The following MAP3K13 variants were observed in gnomAD, a reference collection of about 807,000 sequenced individuals.
MAP3K13 encodes the protein leucine zipper-bearing kinase.
A neutral mutation model predicts 104.0 loss-of-function variants in MAP3K13; 52 were observed. The observed-to-expected ratio is 0.50, with a 90% CI of 0.40 to 0.63. The LOEUF (loss-of-function observed/expected upper bound fraction) is 0.63, where lower values mean the gene tolerates loss of function less well. MAP3K13 is among the 20% of genes least tolerant of loss of function. The pLI is 0.00. For missense variants in MAP3K13, 914 were observed against 1,218.5 expected (o/e 0.75, Z 3.72); for synonymous variants, 394 against 442.2 (o/e 0.89, Z 1.37).
intron 1 of MAP3K13, among the ~76,000 whole-genome samples, chr3:185,388,346 A>G (rs1208424541): frequency 1.3e-5 from 2 of 152,046 alleles, no homozygotes; most frequent in Admixed American, 6.6e-5. Flanking sequence ...TACAAAAAAT[A>G]CAAAAAGTAG....
chr3:185,450,116 A>G lies in MAP3K13; in HGVS notation c.1169+58A>G. Reference sequence around the variant, plus strand: ...TCTCTAATGTGTATTTGGAGTAAATATCCTGGTGGTGGAAAGAATAGGAGC... The same window carrying G: ...TCTCTAATGTGTATTTGGAGTAAATGTCCTGGTGGTGGAAAGAATAGGAGC... On this transcript the variant is annotated intron_variant, in intron 6 of 13. Coordinates refer to ENST00000265026, the MANE Select transcript of MAP3K13 (RefSeq NM_004721.5). The surrounding 1 kb of genome is among the most constrained non-coding windows in gnomAD (Gnocchi z 4.2). The G allele has an allele frequency of 6.9e-7, 1 of 1,446,482 alleles. No individual in the cohort carries two copies. Among genetic ancestry groups the G allele is most frequent in the Non-Finnish European group, 9.2e-7 (1 of 1,084,214 alleles). The allele number at this position is 1,446,482 out of a possible 1,614,324, so 89.6% of individuals were successfully genotyped here.
intron 8 of MAP3K13, among the ~76,000 whole-genome samples, chr3:185,464,976 AC>A (rs1045124373): frequency 6.6e-6 from 1 of 151,550 alleles, no homozygotes; most frequent in African/African-American, 2.4e-5. Flanking sequence ...CCTCCTAAAG[AC>A]CCCACCTATT....
chr3:185,435,586 G>T (rs1714986480), intron 2 of MAP3K13, among the ~76,000 whole-genome samples: 1 of 152,066 alleles, frequency 6.6e-6, no homozygotes, highest in Admixed American at 6.6e-5. Context: ...AGAGAGATTT[G>T]CTTTTATCTA....
intron 2 of MAP3K13, among the ~76,000 whole-genome samples, chr3:185,305,362 C>T (rs542876965): frequency 6.6e-6 from 1 of 152,226 alleles, no homozygotes; most frequent in Non-Finnish European, 1.5e-5. Context: ...CTGATGTCAG[C>T]TTAATTTAAA....
intron 1 of MAP3K13, among the ~76,000 whole-genome samples, chr3:185,389,797 TTAAG>T (rs61562700): frequency 0.64 from 96,940 of 151,058 alleles, 31,328 homozygotes; most frequent in Non-Finnish European, 0.67. Flanking sequence ...AAAAAATTTG[TTAAG>T]TATTTATTAA....
At chr3:185,336,270 G>C (rs1399550033) in intron 2 of MAP3K13, among the ~76,000 whole-genome samples, 1 of 152,088 alleles carries the variant, frequency 6.6e-6, no homozygotes, top group African/African-American at 2.4e-5. Context: ...GGCTGGGTGT[G>C]GTGGCTCACA....
At chr3:185,448,023 CACTT>C (rs1715687684) in intron 5 of MAP3K13, 76 bp downstream of exon 5, 1 of 1,441,212 alleles carries the variant, frequency 6.9e-7, no homozygotes, top group East Asian at 2.3e-5. Context: ...CTTCCTTCAG[CACTT>C]ACTTTTCCAG....
chr3:185,330,034 C>G (rs1304521738), intron 2 of MAP3K13, among the ~76,000 whole-genome samples: 1 of 143,802 alleles, frequency 7.0e-6, no homozygotes, highest in Non-Finnish European at 1.5e-5. Flanking sequence ...CGCCCGCCAC[C>G]ATGCCTGGCT....
intron 3 of MAP3K13, among the ~76,000 whole-genome samples, chr3:185,442,057 T>A (rs919846805): frequency 1.5e-5 from 2 of 131,398 alleles, no homozygotes; most frequent in African/African-American, 2.7e-5. Context: ...AAAAAAAAAA[T>A]TAGCCTGGCG....
intron 1 of MAP3K13, among the ~76,000 whole-genome samples, chr3:185,405,003 A>G (rs368419725): frequency 1.3e-5 from 2 of 152,218 alleles, no homozygotes; most frequent in African/African-American, 4.8e-5. Context: ...CCTACTGGCA[A>G]TGTATAAAAT....
intron 7 of MAP3K13, among the ~76,000 whole-genome samples, chr3:185,455,623 TG>T (rs1716580969): frequency 1.9e-5 from 1 of 51,448 alleles, no homozygotes; most frequent in Non-Finnish European, 4.1e-5. Flanking sequence ...ATGAGATATA[TG>T]ATATATATAT....
At chr3:185,464,269 C>A (rs1560126714) in intron 8 of MAP3K13, among the ~76,000 whole-genome samples, 1 of 152,180 alleles carries the variant, frequency 6.6e-6, no homozygotes, top group Non-Finnish European at 1.5e-5. Context: ...GCCTGGGTGA[C>A]AGAGTGAGAT....
rs1421205101 is a variant in MAP3K13, at chr3:185,455,949, G to A, written c.1278+4554G>A. Among the ~76,000 whole-genome samples, 3 of 142,292 alleles carry A rather than the reference G, an allele frequency of 2.1e-5. No individual in the cohort carries two copies. In the South Asian group the frequency reaches 6.6e-4, roughly 31 times the overall value. 93.3% of individuals were successfully genotyped at this position (142,292 alleles called of 152,430 possible). A position where few individuals can be genotyped will look rare whatever the true frequency, so the allele number is the denominator to read the frequency against. On this transcript the variant is annotated intron_variant, in intron 7 of 13. Coordinates refer to ENST00000265026, the MANE Select transcript of MAP3K13 (RefSeq NM_004721.5). ...TGATGTATATATGAGATATATATAT[G>A]ATGTATATATATGATATGTATGAGA...
At chr3:185,455,856 G>GATATATATGAT (rs1560121082) in intron 7 of MAP3K13, among the ~76,000 whole-genome samples, 18 of 117,544 alleles carry the variant, frequency 1.5e-4, no homozygotes, top group East Asian at 1.4e-3. Context: ...ATATATATGA[G>GATATATATGAT]ATATATATGA....
At chr3:185,386,058 T>C (rs1711667984) in intron 1 of MAP3K13, among the ~76,000 whole-genome samples, 2 of 151,400 alleles carry the variant, frequency 1.3e-5, no homozygotes, top group South Asian at 4.2e-4. Context: ...CTTATTAAGA[T>C]GGATCAGCAT....
chr3:185,318,190 A>G (rs1721742324), intron 2 of MAP3K13, among the ~76,000 whole-genome samples: 1 of 151,034 alleles, frequency 6.6e-6, no homozygotes, highest in Non-Finnish European at 1.5e-5. Context: ...CCAATGCTTT[A>G]AAAAAAATGG....
intron 2 of MAP3K13, among the ~76,000 whole-genome samples, chr3:185,330,046 AT>A (rs548813356): frequency 6.1e-5 from 6 of 98,276 alleles, no homozygotes; most frequent in Admixed American, 1.2e-4. Context: ...TGCCTGGCTA[AT>A]TTTTTTTTTT....
rs1714596960 is a variant in MAP3K13, at chr3:185,429,004, A to G, written c.423A>G (p.Val141=). The stretch of plus-strand genomic sequence containing the variant: ...GACTATTTGGATGCTTAAGGCCTGT[A>G]TGGAATATCATTGGGAAGGCATATT... The part of the protein sequence containing the change: ...LEGLFGCLRP[V]WNIIGKAYST... The change falls in exon 2 of 14, where the codon GTA becomes GTG. Residue 141 remains valine (V), a synonymous_variant. Transcript: ENST00000265026. 1 of 1,614,190 alleles carries G rather than the reference A, an allele frequency of 6.2e-7. No individual in the cohort carries two copies. The highest frequency in any genetic ancestry group is 2.2e-5 in the East Asian group (1 of 44,880).
At chr3:185,295,203 G>T (rs1445439683) in intron 2 of MAP3K13, among the ~76,000 whole-genome samples, 1 of 151,756 alleles carries the variant, frequency 6.6e-6, no homozygotes, top group African/African-American at 2.4e-5. Flanking sequence ...TGTTTTTGTT[G>T]TTGTTGTTGT....
Sources: gnomAD v4.1 joint callset for allele counts (sites outside exome capture counted in the v4.1 genomes callset) on GRCh38, gnomAD v4.1.1 for gene constraint, Gnocchi (gnomAD v3.1) non-coding constraint, MANE v1.5 for transcripts, NCBI Gene and HGNC (gene_info 2026-07-23, HGNC 2026-07-21) for gene names.